GRM7: variants seen among roughly 807,000 people sequenced by gnomAD.
GRM7 encodes metabotropic glutamate receptor 7.
In GRM7, 35 loss-of-function variants were observed where a neutral mutation model predicts 84.5. That is an observed-to-expected ratio of 0.41 (90% CI 0.32 to 0.55). The LOEUF is 0.55. Among genes scored for constraint, GRM7 ranks in the 20% least tolerant of loss-of-function variants. The probability of loss-of-function intolerance (pLI) is 0.19; values close to 1 mark genes in which losing one functional copy is unlikely to be tolerated. For missense variants in GRM7, 1,003 were observed against 1,194.6 expected (o/e 0.84, Z 2.36); for synonymous variants, 487 against 455.1 (o/e 1.07, Z -0.89).
chr3:6,937,584 C>T (rs1452306318), intron 1 of GRM7, among the ~76,000 whole-genome samples: 1 of 152,156 alleles, frequency 6.6e-6, no homozygotes, highest in Non-Finnish European at 1.5e-5. Flanking sequence ...ATTGAAAATT[C>T]TCTCCCACAG....
At position 6,923,327 on chromosome 3, in the gene GRM7, A is replaced by T. The variant is rs199801656; in HGVS notation, c.519+61420A>T. ...ACCACGCCCAGCCCACACGAACATG[A>T]AAAAAAAAAGCTAACTCAGTTTTCT... On this transcript the variant is annotated intron_variant, in intron 1 of 9. Transcript: ENST00000357716. Among the ~76,000 whole-genome samples, 25 of 15,040 alleles carry T rather than the reference A, an allele frequency of 1.7e-3. No individual in the cohort carries two copies. In the African/African-American group the frequency reaches 0.03, roughly 18 times the overall value. 9.9% of individuals were successfully genotyped at this position (15,040 alleles called of 152,430 possible). A position where few individuals can be genotyped will look rare whatever the true frequency, so the allele number is the denominator to read the frequency against.
intron 9 of GRM7, among the ~76,000 whole-genome samples, chr3:7,734,665 CAT>C (rs1377323654): frequency 6.6e-6 from 1 of 152,168 alleles, no homozygotes; most frequent in Non-Finnish European, 1.5e-5. Context: ...AGGTACCAAA[CAT>C]ATGAGCAATA....
chr3:7,522,001 A>G (rs1313806889), intron 7 of GRM7, among the ~76,000 whole-genome samples: 1 of 152,034 alleles, frequency 6.6e-6, no homozygotes, highest in Non-Finnish European at 1.5e-5. Flanking sequence ...TCAGAATCTC[A>G]TTCTCCCTTG....
intron 1 of GRM7, among the ~76,000 whole-genome samples, chr3:6,885,487 A>T (rs540638207): frequency 6.6e-6 from 1 of 151,998 alleles, no homozygotes; most frequent in Admixed American, 6.6e-5. Flanking sequence ...CATTGGTGGG[A>T]GTGTCTTATG....
At chr3:7,457,913 AGCT>A (rs1431693789) in intron 6 of GRM7, among the ~76,000 whole-genome samples, 2 of 152,154 alleles carry the variant, frequency 1.3e-5, no homozygotes, top group African/African-American at 4.8e-5. Context: ...TGGACCAGAG[AGCT>A]GCTGTCCCCA....
chr3:7,230,920 T>A (rs1276552390), intron 2 of GRM7, among the ~76,000 whole-genome samples: 3 of 152,118 alleles, frequency 2.0e-5, no homozygotes. Flanking sequence ...ATGTTATAGG[T>A]CATTACCATC....
At chr3:7,343,368 G>A (rs1456293617) in intron 4 of GRM7, among the ~76,000 whole-genome samples, 5 of 151,944 alleles carry the variant, frequency 3.3e-5, no homozygotes, top group Non-Finnish European at 5.9e-5. Flanking sequence ...TGAGTAGCTG[G>A]GACTACAGGG....
intron 8 of GRM7, among the ~76,000 whole-genome samples, chr3:7,605,951 T>A (rs1696543832): frequency 6.6e-6 from 1 of 152,154 alleles, no homozygotes; most frequent in Admixed American, 6.5e-5. Flanking sequence ...TAAAAACAGG[T>A]AATCGGCCTT....
At chr3:7,463,115 A>G (rs1452913778) in intron 7 of GRM7, among the ~76,000 whole-genome samples, 2 of 101,708 alleles carry the variant, frequency 2.0e-5, no homozygotes, top group African/African-American at 6.0e-5. Context: ...AGCCTCAAAT[A>G]AAGGTAAGAG....
chr3:7,047,701 G>A (rs1414945165), intron 1 of GRM7, among the ~76,000 whole-genome samples: 2 of 152,064 alleles, frequency 1.3e-5, no homozygotes, highest in Non-Finnish European at 2.9e-5. Flanking sequence ...TACGCAAAGA[G>A]TTAAATCTCT....
chr3:6,907,691 GA>G (rs1286690624), intron 1 of GRM7, among the ~76,000 whole-genome samples: 4 of 152,174 alleles, frequency 2.6e-5, no homozygotes, highest in Admixed American at 1.3e-4. Context: ...TTGTTTTAAG[GA>G]ACCACGGAGA....
At chr3:7,416,582 C>G (rs1696168916) in intron 5 of GRM7, among the ~76,000 whole-genome samples, 3 of 151,944 alleles carry the variant, frequency 2.0e-5, no homozygotes, top group Non-Finnish European at 4.4e-5. Flanking sequence ...AAGAAGTTTT[C>G]TGTGAAAAAG....
chr3:6,978,118 G>C (rs780357882), intron 1 of GRM7, among the ~76,000 whole-genome samples: 1 of 152,074 alleles, frequency 6.6e-6, no homozygotes, highest in Non-Finnish European at 1.5e-5. Flanking sequence ...AGTTTATATG[G>C]ATGGACTCTA....
intron 1 of GRM7, among the ~76,000 whole-genome samples, chr3:6,890,847 T>C (rs896269507): frequency 6.6e-6 from 1 of 152,126 alleles, no homozygotes; most frequent in Non-Finnish European, 1.5e-5. Flanking sequence ...AAGTCTCCCA[T>C]TATTATTGTG....
intron 2 of GRM7, among the ~76,000 whole-genome samples, chr3:7,260,833 T>C (rs942040554): frequency 2.6e-5 from 4 of 152,208 alleles, no homozygotes; most frequent in African/African-American, 9.7e-5. Flanking sequence ...GAGATCTTTC[T>C]AACTTTTTAA....
intron 8 of GRM7, among the ~76,000 whole-genome samples, chr3:7,579,721 T>A (rs17047632): frequency 6.6e-6 from 1 of 152,006 alleles, no homozygotes; most frequent in Non-Finnish European, 1.5e-5. Flanking sequence ...AAGAGGAGCA[T>A]AGTACCTTCT....
rs760574372 is a variant in GRM7 at position 7,149,799 on chromosome 3, TG to T, written c.736+3135del. Among the ~76,000 whole-genome samples, 97 of 152,292 alleles carry T rather than the reference TG, an allele frequency of 6.4e-4. 1 individual carries two copies. The highest frequency in any genetic ancestry group is 1.3e-3 in the Admixed American group (20 of 15,288). On this transcript the variant is annotated intron_variant, in intron 2 of 9. Coordinates refer to ENST00000357716, the MANE Select transcript of GRM7 (RefSeq NM_000844.4). ...TTGGTAGAATGTATAAGATGGTGCA[TG>T]GGGAAGCATTTAATACCCAACAATA...
chr3:7,029,021 G>A (rs745633082), intron 1 of GRM7, among the ~76,000 whole-genome samples: 3 of 152,128 alleles, frequency 2.0e-5, no homozygotes, highest in African/African-American at 4.8e-5. Flanking sequence ...CACATGATTA[G>A]GGTTGGGCAC....
intron 2 of GRM7, among the ~76,000 whole-genome samples, chr3:7,215,530 TG>T (rs1439021869): frequency 6.6e-6 from 1 of 151,728 alleles, no homozygotes; most frequent in Non-Finnish European, 1.5e-5. Flanking sequence ...CCAGGCGTGG[TG>T]GTGGGCGCCT....
Sources: allele counts gnomAD v4.1 joint callset (sites outside exome capture counted in the v4.1 genomes callset), GRCh38; gene constraint gnomAD v4.1.1; transcripts MANE v1.5; gene names NCBI Gene and HGNC (gene_info 2026-07-23, HGNC 2026-07-21).